Variants in VWC2L observed in about 807,000 individuals in gnomAD.
VWC2L encodes the protein von Willebrand factor C domain-containing protein 2-like.
A neutral mutation model predicts 21.6 loss-of-function variants in VWC2L; 10 were observed. That is an observed-to-expected ratio of 0.46 (90% confidence interval 0.29 to 0.78). The LOEUF is 0.78. Among genes scored for constraint, VWC2L ranks in the 30% least tolerant of loss-of-function variants. The probability of loss-of-function intolerance (pLI) is 0.10; values close to 1 mark genes in which losing one functional copy is unlikely to be tolerated. For synonymous variants in VWC2L, 96 were observed against 94.3 expected (o/e 1.02, Z -0.10); for missense variants, 209 against 277.1 (o/e 0.75, Z 1.74).
chr2:214,499,004 C>A (rs1688852645), intron 3 of VWC2L, among the ~76,000 whole-genome samples: 1 of 135,878 alleles, frequency 7.4e-6, no homozygotes, highest in African/African-American at 2.8e-5. Flanking sequence ...TTATATCGTA[C>A]CATTCTTTTT....
chr2:214,511,847 A>ATATATATATACTCTATATATATACTT (rs1559313378), intron 3 of VWC2L, among the ~76,000 whole-genome samples: 7 of 146,680 alleles, frequency 4.8e-5, no homozygotes, highest in Non-Finnish European at 7.5e-5. Context: ...TATACACTTT[A>ATATATATATACTCTATATATATACTT]TATATATATA....
At chr2:214,461,850 T>C (rs1203237535) in intron 3 of VWC2L, among the ~76,000 whole-genome samples, 1 of 152,202 alleles carries the variant, frequency 6.6e-6, no homozygotes, top group East Asian at 1.9e-4. Flanking sequence ...TCGCAGTGGC[T>C]CAGCTTCTGG....
chr2:214,532,606 G>C (rs1387577366), intron 3 of VWC2L, among the ~76,000 whole-genome samples: 1 of 151,994 alleles, frequency 6.6e-6, no homozygotes, highest in East Asian at 1.9e-4. Flanking sequence ...TCATTTTTTA[G>C]CTCTGTGGTA....
Position 214,578,729 on chromosome 2 carries a change from T to G in VWC2L, c.*2909T>G, listed in dbSNP as rs1016285366. 2.0e-5 allele frequency: 3 copies of G among 152,262 alleles called. No homozygotes were observed. The highest frequency in any genetic ancestry group is 6.5e-5 in the Admixed American group (1 of 15,284). The allele number at this position is 152,262 out of a possible 1,614,324, so 9.4% of individuals were successfully genotyped here. A position where few individuals can be genotyped will look rare whatever the true frequency, so the allele number is the denominator to read the frequency against. ...TGTACTCCTATTTCTCCTCCGCCTT[T>G]GGTTCTCGGCTTTAACAACAGCTAT... On this transcript the variant is annotated 3_prime_UTR_variant, in exon 4 of 4. Coordinates refer to ENST00000312504, the MANE Select transcript of VWC2L (RefSeq NM_001080500.4).
intron 3 of VWC2L, among the ~76,000 whole-genome samples, chr2:214,473,319 T>C (rs1473426375): frequency 1.3e-5 from 2 of 152,206 alleles, no homozygotes; most frequent in Non-Finnish European, 2.9e-5. Flanking sequence ...CTGTAACAGA[T>C]AAACCCCCAA....
intron 3 of VWC2L, among the ~76,000 whole-genome samples, chr2:214,437,843 G>T (rs1702700118): frequency 6.6e-6 from 1 of 151,886 alleles, no homozygotes; most frequent in African/African-American, 2.4e-5. Flanking sequence ...TAATTTTTTT[G>T]TGTTTTGGTA....
At chr2:214,558,855 C>A (rs533932480) in intron 3 of VWC2L, among the ~76,000 whole-genome samples, 1 of 150,990 alleles carries the variant, frequency 6.6e-6, no homozygotes, top group Non-Finnish European at 1.5e-5. Context: ...TTCCCTTTAG[C>A]TAGTGTTTCT....
intron 3 of VWC2L, among the ~76,000 whole-genome samples, chr2:214,439,952 T>C (rs1702739537): frequency 6.6e-6 from 1 of 151,944 alleles, no homozygotes; most frequent in South Asian, 2.1e-4. Flanking sequence ...CCCTAAACAA[T>C]GGTACCATGT....
intron 2 of VWC2L, among the ~76,000 whole-genome samples, chr2:214,432,287 A>G (rs1432526490): frequency 2.0e-5 from 3 of 152,216 alleles, no homozygotes; most frequent in African/African-American, 7.2e-5. Flanking sequence ...TATTATAAGG[A>G]GATTAGAATC....
intron 3 of VWC2L, among the ~76,000 whole-genome samples, chr2:214,443,693 C>A (rs1702795853): frequency 6.6e-6 from 1 of 152,106 alleles, no homozygotes; most frequent in South Asian, 2.1e-4. Context: ...AAAAATATAT[C>A]TACCTCAGCC....
chr2:214,540,683 G>A (rs572801224), intron 3 of VWC2L, among the ~76,000 whole-genome samples: 1 of 152,258 alleles, frequency 6.6e-6, no homozygotes, highest in South Asian at 2.1e-4. Flanking sequence ...TGAATTAGAG[G>A]AATCCCAGAG....
At chr2:214,499,009 C>A in intron 3 of VWC2L, among the ~76,000 whole-genome samples, 1 of 83,422 alleles carries the variant, frequency 1.2e-5, no homozygotes, top group East Asian at 3.6e-4. Context: ...TCGTACCATT[C>A]TTTTTTTTTT....
rs950947756 is a variant in VWC2L, at chr2:214,578,704, T to G, written c.*2884T>G. 6.6e-6 allele frequency: 1 copy of G among 152,186 alleles called. No homozygotes were observed. Among genetic ancestry groups the G allele is most frequent in the African/African-American group, 2.4e-5 (1 of 41,446 alleles). The allele number at this position is 152,186 out of a possible 1,614,324, so 9.4% of individuals were successfully genotyped here. The stretch of plus-strand genomic sequence containing the variant: ...TTGTTTGCAGCCACACTGTCATCTC[T>G]GTACTCCTATTTCTCCTCCGCCTTT... On this transcript the variant is annotated 3_prime_UTR_variant, in exon 4 of 4. Coordinates refer to ENST00000312504, the MANE Select transcript of VWC2L (RefSeq NM_001080500.4).
chr2:214,520,994 C>G (rs940448376), intron 3 of VWC2L, among the ~76,000 whole-genome samples: 2 of 151,780 alleles, frequency 1.3e-5, no homozygotes, highest in African/African-American at 4.8e-5. Flanking sequence ...GAGGCTGAGG[C>G]GGGTGGATCA....
At chr2:214,508,542 C>T (rs1689003155) in intron 3 of VWC2L, among the ~76,000 whole-genome samples, 1 of 152,192 alleles carries the variant, frequency 6.6e-6, no homozygotes, top group Non-Finnish European at 1.5e-5. Context: ...TCACTAACAA[C>T]CAAGTAGTTA....
chr2:214,512,364 G>A (rs568080658), intron 3 of VWC2L, among the ~76,000 whole-genome samples: 1 of 152,070 alleles, frequency 6.6e-6, no homozygotes, highest in Non-Finnish European at 1.5e-5. Flanking sequence ...GAGAATACAT[G>A]GACATATAGA....
intron 2 of VWC2L, among the ~76,000 whole-genome samples, chr2:214,422,089 C>A (rs1702452281): frequency 6.6e-6 from 1 of 151,214 alleles, no homozygotes; most frequent in Non-Finnish European, 1.5e-5. Context: ...GGGGTTTCAC[C>A]GTGTTAGCCA....
chr2:214,537,313 G>T (rs1689550224), intron 3 of VWC2L, among the ~76,000 whole-genome samples: 1 of 151,992 alleles, frequency 6.6e-6, no homozygotes, highest in African/African-American at 2.4e-5. Context: ...ATCCATTGAT[G>T]GACACTTCAC....
intron 3 of VWC2L, among the ~76,000 whole-genome samples, chr2:214,502,300 G>A (rs976320247): frequency 1.3e-5 from 2 of 152,150 alleles, no homozygotes; most frequent in South Asian, 2.1e-4. Flanking sequence ...GGCAGGGCAC[G>A]GTGGCTCATG....
Sources: gnomAD v4.1 joint callset for allele counts (sites outside exome capture counted in the v4.1 genomes callset) on GRCh38, gnomAD v4.1.1 for gene constraint, MANE v1.5 for transcripts, NCBI Gene and HGNC (gene_info 2026-07-23, HGNC 2026-07-21) for gene names.